The following FARP1 variants were observed in gnomAD, a reference collection of about 807,000 sequenced individuals.
FARP1 encodes FERM, ARHGEF and pleckstrin domain-containing protein 1.
A neutral mutation model predicts 128.8 loss-of-function variants in FARP1; 52 were observed. The observed-to-expected ratio is 0.40, with a 90% CI of 0.32 to 0.51. FARP1 has a LOEUF of 0.51. FARP1 is among the 20% of genes least tolerant of loss of function. The probability of loss-of-function intolerance (pLI) is 0.45; values close to 1 mark genes in which losing one functional copy is unlikely to be tolerated. For missense variants in FARP1, 1,333 were observed against 1,367.9 expected, an observed-to-expected ratio of 0.97 and a Z score of 0.40; for synonymous variants, 580 against 551.8, an observed-to-expected ratio of 1.05 and a Z score of -0.72.
chr13:98,255,603 T>C (rs1239668756), intron 2 of FARP1, among the ~76,000 whole-genome samples: 2 of 152,264 alleles, frequency 1.3e-5, no homozygotes, highest in African/African-American at 4.8e-5. Context: ...TTAATTGTAT[T>C]TGCCTTCATG....
At chr13:98,414,594 C>G (rs11839274) in intron 16 of FARP1, among the ~76,000 whole-genome samples, 216 of 152,294 alleles carry the variant, frequency 1.4e-3, no homozygotes, top group African/African-American at 5.0e-3. Flanking sequence ...TGATATAACC[C>G]AGCCCTGTTA....
chr13:98,296,688 CTTTTTTT>C (rs11420681), intron 2 of FARP1, among the ~76,000 whole-genome samples: 6 of 123,292 alleles, frequency 4.9e-5, no homozygotes, highest in Non-Finnish European at 6.5e-5. Context: ...ACTTAATGGC[CTTTTTTT>C]TTTTTTTTTT....
At chr13:98,365,877 A>AGT (rs929901365) in intron 4 of FARP1, among the ~76,000 whole-genome samples, 5 of 136,344 alleles carry the variant, frequency 3.7e-5, no homozygotes, top group Admixed American at 1.5e-4. Context: ...CGAAAGTGTG[A>AGT]GTGTGTGTGT....
chr13:98,426,199 G>A (rs1181054343), intron 17 of FARP1, among the ~76,000 whole-genome samples: 1 of 152,192 alleles, frequency 6.6e-6, no homozygotes, highest in African/African-American at 2.4e-5. Context: ...TTAAAATGAT[G>A]TATCTCAGCC....
At chr13:98,226,766 G>A (rs1881801224) in intron 2 of FARP1, among the ~76,000 whole-genome samples, 2 of 152,120 alleles carry the variant, frequency 1.3e-5, no homozygotes, top group Non-Finnish European at 2.9e-5. Context: ...AGAAATCCCA[G>A]CTGTATTAAT....
intron 2 of FARP1, chr13:98,330,038 T>C (rs1887430461): frequency 6.6e-6 from 1 of 152,280 alleles, no homozygotes; most frequent in African/African-American, 2.4e-5. Context: ...GTCGGCACTT[T>C]TGAAAGCCTG....
chr13:98,363,157 C>A (rs930536237), intron 3 of FARP1, among the ~76,000 whole-genome samples: 1 of 152,192 alleles, frequency 6.6e-6, no homozygotes, highest in Non-Finnish European at 1.5e-5. Flanking sequence ...AAGGACCAAG[C>A]GTCTGAATGT....
chr13:98,326,480 C>T (rs143427072), intron 2 of FARP1, among the ~76,000 whole-genome samples: 1 of 152,292 alleles, frequency 6.6e-6, no homozygotes, highest in East Asian at 1.9e-4. Flanking sequence ...CTCCCTTGGC[C>T]CCTGGTAAGC....
intron 2 of FARP1, among the ~76,000 whole-genome samples, chr13:98,321,061 C>G (rs1217117133): frequency 6.6e-5 from 10 of 152,204 alleles, no homozygotes; most frequent in Admixed American, 6.5e-4. Context: ...CTTGTCATCA[C>G]CACCTTTGAC....
At chr13:98,416,003 G>A (rs1891362101) in intron 16 of FARP1, among the ~76,000 whole-genome samples, 1 of 152,252 alleles carries the variant, frequency 6.6e-6, no homozygotes, top group African/African-American at 2.4e-5. Context: ...AAGGGGCTTA[G>A]TATACTGCGC....
chr13:98,242,301 A>G (rs1473302750), intron 2 of FARP1, among the ~76,000 whole-genome samples: 1 of 152,144 alleles, frequency 6.6e-6, no homozygotes, highest in Non-Finnish European at 1.5e-5. Flanking sequence ...CCATGCTTTT[A>G]TCTGGAATAG....
intron 3 of FARP1, among the ~76,000 whole-genome samples, chr13:98,358,145 T>G (rs536946378): frequency 2.3e-4 from 35 of 151,924 alleles, no homozygotes; most frequent in Non-Finnish European, 4.3e-4. Flanking sequence ...CTCCTAAGTT[T>G]TTTTTGGGTA....
intron 2 of FARP1, among the ~76,000 whole-genome samples, chr13:98,219,924 C>T (rs1050957752): frequency 1.3e-5 from 2 of 152,154 alleles, no homozygotes; most frequent in African/African-American, 2.4e-5. Flanking sequence ...CTGCATTGGC[C>T]TCCTAAAGCG....
chr13:98,402,894 C>T (rs1890830318), intron 13 of FARP1: 1 of 152,146 alleles, frequency 6.6e-6, no homozygotes, highest in African/African-American at 2.4e-5. Flanking sequence ...ATAGAAAAGG[C>T]TGGGGACTTC....
intron 13 of FARP1, among the ~76,000 whole-genome samples, chr13:98,408,021 A>G (rs1465585261): frequency 1.3e-5 from 2 of 152,220 alleles, no homozygotes; most frequent in Non-Finnish European, 2.9e-5. Flanking sequence ...CGTACCAAGT[A>G]GCAGCGAGCC....
chr13:98,145,861 C>CAAAAA (rs140525790), intron 1 of FARP1, among the ~76,000 whole-genome samples: 1 of 131,216 alleles, frequency 7.6e-6, no homozygotes, highest in Non-Finnish European at 1.6e-5. Flanking sequence ...GACTCTGTCT[C>CAAAAA]AAAAAAAAAA....
chr13:98,441,530 G>T (rs570559785), intron 24 of FARP1, among the ~76,000 whole-genome samples: 1 of 152,360 alleles, frequency 6.6e-6, no homozygotes, highest in African/African-American at 2.4e-5. Context: ...GCCCCTCCGG[G>T]TTTTCTGGGC....
intron 2 of FARP1, among the ~76,000 whole-genome samples, chr13:98,259,882 AGT>A (rs60886784): frequency 0.011 from 1,401 of 128,844 alleles, 11 homozygotes; most frequent in African/African-American, 0.024. Context: ...ATACCTGAAA[AGT>A]GTGTGTGTGT....
chr13:98,422,943 C>T (rs1891645843), intron 16 of FARP1, among the ~76,000 whole-genome samples: 1 of 152,162 alleles, frequency 6.6e-6, no homozygotes, highest in East Asian at 1.9e-4. Context: ...GGAGTATTGA[C>T]TCACACGTTC....
Sources: allele counts gnomAD v4.1 joint callset (sites outside exome capture counted in the v4.1 genomes callset), GRCh38; gene constraint gnomAD v4.1.1; transcripts MANE v1.5; gene names NCBI Gene and HGNC (gene_info 2026-07-23, HGNC 2026-07-21).